Variants in FRAS1 observed in about 807,000 individuals in gnomAD.
The protein encoded by FRAS1 is extracellular matrix organizing protein FRAS1.
Under a neutral mutation model 435.2 loss-of-function variants are expected in FRAS1, and 290 were observed. That is an observed-to-expected ratio of 0.67 (90% CI 0.61 to 0.73). FRAS1 has a LOEUF of 0.73. FRAS1 is among the 30% of genes least tolerant of loss of function. The pLI is 0.00. For missense variants in FRAS1, 4,860 were observed against 5,001.5 expected, an observed-to-expected ratio of 0.97 and a Z score of 0.85; for synonymous variants, 1,800 against 1,851.0, an observed-to-expected ratio of 0.97 and a Z score of 0.71.
chr4:78,259,539 C>T (rs1725972417), intron 6 of FRAS1, among the ~76,000 whole-genome samples: 1 of 152,070 alleles, frequency 6.6e-6, no homozygotes, highest in East Asian at 1.9e-4. Flanking sequence ...CCTTCGCTCA[C>T]TTTTTGATAG....
chr4:78,472,302 TG>T lies in FRAS1; in HGVS notation c.7496del (p.Gly2499AlafsTer12). The T allele has an allele frequency of 1.9e-6, 3 of 1,609,284 alleles. No homozygotes were observed. Among genetic ancestry groups the T allele is most frequent in the Non-Finnish European group, 2.5e-6 (3 of 1,176,824 alleles). Reference sequence around the variant, plus strand: ...GCTTTGTGGAGAACAAGCTGCAGCCTGGCAGAGCTGCTGCCACTTTCACCCA... The same window carrying T: ...GCTTTGTGGAGAACAAGCTGCAGCCTGCAGAGCTGCTGCCACTTTCACCCA... ...HGFVENKLQPGRAAATFTQED... is the reference protein window; with the variant it reads ...HGFVENKLQPXRAAATFTQED... On this transcript the variant is annotated frameshift_variant, in exon 52 of 74. Transcript: ENST00000512123. LOFTEE classifies it high-confidence loss of function.
intron 2 of FRAS1, chr4:78,070,702 A>G (rs550877124): frequency 4.6e-5 from 7 of 152,264 alleles, no homozygotes; most frequent in African/African-American, 1.7e-4. Flanking sequence ...TTTCATTTCA[A>G]AGTTTTCACA....
intron 2 of FRAS1, among the ~76,000 whole-genome samples, chr4:78,155,204 T>C (rs1023946508): frequency 6.6e-6 from 1 of 152,210 alleles, no homozygotes; most frequent in African/African-American, 2.4e-5. Context: ...GTCATGTTTG[T>C]TGGCTGGAAC....
Position 78,479,538 on chromosome 4 carries a change from G to A in FRAS1, c.8263G>A (p.Val2755Ile), listed in dbSNP as rs1719947726. Residue 2755 changes from valine (V) to isoleucine (I), a missense_variant, in exon 56 of 74, where the codon GTC (valine) becomes ATC (isoleucine). Transcript: ENST00000512123. Reference protein sequence around the residue: ...GPGVTMSTCDVMLIDDSEYEE... With the variant: ...GPGVTMSTCDIMLIDDSEYEE... ...TGGTGTGACCATGTCCACCTGTGAT[G>A]TCATGCTTATTGATGACAGCGAGTA... 6.2e-7 allele frequency: 1 copy of A among 1,613,858 alleles called. No individual in the cohort carries two copies. The highest frequency in any genetic ancestry group is 8.5e-7 in the Non-Finnish European group (1 of 1,179,854).
At chr4:78,457,991 T>C (rs1719257445) in intron 47 of FRAS1, among the ~76,000 whole-genome samples, 1 of 152,192 alleles carries the variant, frequency 6.6e-6, no homozygotes. Flanking sequence ...GACAGCATCA[T>C]GACAGCCCGT....
intron 59 of FRAS1, among the ~76,000 whole-genome samples, chr4:78,494,013 T>G (rs76187011): frequency 0.012 from 1,773 of 152,178 alleles, 39 homozygotes; most frequent in African/African-American, 0.038. Flanking sequence ...ATGTTTGTTT[T>G]TTTTTATTCA....
chr4:78,448,001 A>G (rs1478604814), intron 43 of FRAS1, 52 bp from the exon 44 acceptor site: 2 of 1,451,814 alleles, frequency 1.4e-6, no homozygotes, highest in African/African-American at 1.4e-5. Context: ...TTTGAATCAT[A>G]TATATATGTG....
intron 2 of FRAS1, chr4:78,181,052 T>C (rs945311042): frequency 1.9e-6 from 3 of 1,578,206 alleles, no homozygotes; most frequent in Non-Finnish European, 2.6e-6. Context: ...TATCATTTGC[T>C]GGCTTCTGGA....
chr4:78,263,778 A>G (rs1400018930), intron 6 of FRAS1, among the ~76,000 whole-genome samples: 2 of 152,268 alleles, frequency 1.3e-5, no homozygotes, highest in Non-Finnish European at 2.9e-5. Context: ...GAAATAAAAC[A>G]ACCTAAAACA....
intron 32 of FRAS1, among the ~76,000 whole-genome samples, chr4:78,415,271 T>C (rs1283495072): frequency 1.3e-5 from 2 of 152,194 alleles, no homozygotes; most frequent in African/African-American, 4.8e-5. Flanking sequence ...CAGTGCATAC[T>C]GCTTTGGTGA....
chr4:78,145,756 G>A (rs966685804), intron 2 of FRAS1, among the ~76,000 whole-genome samples: 16 of 152,106 alleles, frequency 1.1e-4, no homozygotes, highest in Non-Finnish European at 1.9e-4. Context: ...CTGAAATCTC[G>A]TCGTGAATTG....
intron 38 of FRAS1, among the ~76,000 whole-genome samples, chr4:78,435,911 A>G (rs543648456): frequency 1.4e-3 from 215 of 152,220 alleles, no homozygotes; most frequent in Non-Finnish European, 2.6e-3. Context: ...CTGAAAAACC[A>G]TAAGTAAAAT....
chr4:78,177,458 G>A (rs1231161567), intron 2 of FRAS1, among the ~76,000 whole-genome samples: 2 of 152,170 alleles, frequency 1.3e-5, no homozygotes, highest in Non-Finnish European at 2.9e-5. Context: ...GAGCTGCTGA[G>A]ACAAGTGGTT....
intron 44 of FRAS1, among the ~76,000 whole-genome samples, chr4:78,448,810 A>G (rs999128454): frequency 6.6e-6 from 1 of 152,242 alleles, no homozygotes; most frequent in African/African-American, 2.4e-5. Flanking sequence ...AGGGTTTAAC[A>G]TTCACAATTT....
intron 10 of FRAS1, among the ~76,000 whole-genome samples, chr4:78,279,858 T>C (rs1417539905): frequency 6.6e-6 from 1 of 152,198 alleles, no homozygotes; most frequent in Non-Finnish European, 1.5e-5. Flanking sequence ...ACAGAATATG[T>C]GCCAAGGCCC....
chr4:78,360,998 C>A, intron 20 of FRAS1, among the ~76,000 whole-genome samples: 1 of 152,232 alleles, frequency 6.6e-6, no homozygotes, highest in East Asian at 1.9e-4. Context: ...CTTGGTGATG[C>A]ATGCCCAAGT....
At position 78,482,080 on chromosome 4, in the gene FRAS1, C is replaced by G. The variant is rs544437393; in HGVS notation, c.8604+116C>G. ...CTGGCGATATTCCTATCTTTCCTTTCTTTAAAAACACACATACATAAACAA... is the reference window on the plus strand; with the variant it reads ...CTGGCGATATTCCTATCTTTCCTTTGTTTAAAAACACACATACATAAACAA... On this transcript the variant is annotated intron_variant, in intron 57 of 73. Coordinates refer to ENST00000512123, the MANE Select transcript of FRAS1 (RefSeq NM_025074.7). 5 of 1,086,044 alleles carry G rather than the reference C, an allele frequency of 4.6e-6. No individual in the cohort carries two copies. In the African/African-American group the frequency reaches 7.9e-5, roughly 17 times the overall value. 67.3% of individuals were successfully genotyped at this position (1,086,044 alleles called of 1,614,324 possible).
chr4:78,204,690 T>C (rs17003046), intron 2 of FRAS1, among the ~76,000 whole-genome samples: 2,922 of 152,278 alleles, frequency 0.019, 103 homozygotes, highest in African/African-American at 0.067. Context: ...GTGCACCATA[T>C]GGAGAAGACC....
rs1023977554 is a variant in FRAS1 at position 78,534,558 on chromosome 4, C to T, written c.11035C>T (p.Pro3679Ser). The T allele has an allele frequency of 4.3e-6, 7 of 1,613,318 alleles. No individual in the cohort carries two copies. The highest frequency in any genetic ancestry group is 1.1e-5 in the South Asian group (1 of 91,014). ...CNNEKVFLMD[P>S]NTSDMSLAEM... ...TAATGAGAAGGTGTTCCTAATGGAT[C>T]CCAATACATCTGATATGTCACTAGC... Residue 3679 changes from proline to serine, a missense_variant, in exon 71 of 74, where the codon CCC becomes TCC. By Grantham distance (74) the Pro-to-Ser change is moderately conservative. Transcript: ENST00000512123.
Sources: allele counts gnomAD v4.1 joint callset (sites outside exome capture counted in the v4.1 genomes callset), GRCh38; gene constraint gnomAD v4.1.1; transcripts MANE v1.5; gene names NCBI Gene and HGNC (gene_info 2026-07-23, HGNC 2026-07-21).